Variants in PET117 observed in about 807,000 individuals in gnomAD.
PET117 encodes the protein protein PET117 homolog, mitochondrial.
PET117 carries 10 observed loss-of-function variants against 9.2 expected under a neutral mutation model. The observed-to-expected ratio is 1.09, with a 90% CI of 0.67 to 1.85. The LOEUF (loss-of-function observed/expected upper bound fraction) is 1.85. Ranked by LOEUF, PET117 falls within the 40% of genes most tolerant of loss-of-function variation. PET117 has a pLI of 0.00. For synonymous variants in PET117, 43 were observed against 37.1 expected (o/e 1.16, Z -0.57); for missense variants, 96 against 98.2 (o/e 0.98, Z 0.09).
Position 18,142,701 on chromosome 20 carries a change from A to T in PET117, c.*344A>T, listed in dbSNP as rs377600919. ...CACCTGAGTAGTCTGATCAGTCGGC[A>T]TGATGACGAAGCCACGAGAACATCG... On this transcript the variant is annotated 3_prime_UTR_variant, in exon 2 of 2. Transcript: ENST00000432901. 1.2e-5 allele frequency: 19 copies of T among 1,614,086 alleles called. No individual in the cohort carries two copies. In the Middle Eastern group the frequency reaches 8.2e-4, roughly 70 times the overall value.
chr20:18,139,919 A>G (rs918533175), intron 1 of PET117, among the ~76,000 whole-genome samples: 1 of 152,176 alleles, frequency 6.6e-6, no homozygotes, highest in African/African-American at 2.4e-5. Flanking sequence ...GTGCTACATG[A>G]GGAGCCAGAG....
rs1232133954 is a variant in PET117, at chr20:18,143,029, ATATT to A, written c.*677_*680del. On this transcript the variant is annotated 3_prime_UTR_variant, in exon 2 of 2. Coordinates refer to ENST00000432901, the MANE Select transcript of PET117 (RefSeq NM_001164811.2). ...AAGAGACCTAAATAAAAGGATAATT[ATATT>A]TATTCTCTAGTTGATCAGCTATAAA... is the stretch of plus-strand genomic sequence containing the variant. 27 of 1,456,904 alleles carry A rather than the reference ATATT, an allele frequency of 1.9e-5. No individual in the cohort carries two copies. Among genetic ancestry groups the A allele is most frequent in the African/African-American group, 7.1e-5 (5 of 70,026 alleles). The allele number at this position is 1,456,904 out of a possible 1,614,324, so 90.2% of individuals were successfully genotyped here.
At position 18,137,950 on chromosome 20, in the gene PET117, G is replaced by C. The variant is rs772989570; in HGVS notation, c.-6G>C. ...GGAGAGAGAGGCCGCGGCCGCCAGC[G>C]TGGGGATGTCTAGGAGCTCGAAGGT... is the stretch of plus-strand genomic sequence containing the variant. On this transcript the variant is annotated 5_prime_UTR_variant, in exon 1 of 2. Coordinates refer to ENST00000432901, the MANE Select transcript of PET117 (RefSeq NM_001164811.2). The C allele has an allele frequency of 2.0e-6, 3 of 1,485,198 alleles. No individual in the cohort carries two copies. Among genetic ancestry groups the C allele is most frequent in the Non-Finnish European group, 2.7e-6 (3 of 1,125,628 alleles). 92.0% of individuals were successfully genotyped at this position (1,485,198 alleles called of 1,614,324 possible). A position where few individuals can be genotyped will look rare whatever the true frequency, so the allele number is the denominator to read the frequency against.
intron 1 of PET117, among the ~76,000 whole-genome samples, chr20:18,140,487 TTAATTC>T (rs1172915366): frequency 6.6e-6 from 1 of 152,084 alleles, no homozygotes; most frequent in Admixed American, 6.5e-5. Flanking sequence ...CCCACTCCCA[TTAATTC>T]TACTCTATAT....
rs6080997 is a variant in PET117, at chr20:18,142,617, G to A, written c.*260G>A. ...CATTAGGGTCACTGTCCAGTGCTTA[G>A]GGTTGTTACTGAGAAGCACTGCCGA... is the stretch of plus-strand genomic sequence containing the variant. On this transcript the variant is annotated 3_prime_UTR_variant, in exon 2 of 2. Coordinates refer to ENST00000432901, the MANE Select transcript of PET117 (RefSeq NM_001164811.2). The A allele has an allele frequency of 2.5e-6, 4 of 1,611,582 alleles. No homozygotes were observed. Among genetic ancestry groups the A allele is most frequent in the Non-Finnish European group, 3.4e-6 (4 of 1,178,452 alleles).
At chr20:18,138,978 C>T (rs2037414636) in intron 1 of PET117, among the ~76,000 whole-genome samples, 1 of 151,940 alleles carries the variant, frequency 6.6e-6, no homozygotes, top group Admixed American at 6.5e-5. Flanking sequence ...ACCTAGTTCA[C>T]CAAGGGTGAA....
chr20:18,140,506 C>T (rs2037491988), intron 1 of PET117, among the ~76,000 whole-genome samples: 2 of 151,968 alleles, frequency 1.3e-5, no homozygotes, highest in African/African-American at 2.4e-5. Flanking sequence ...CTCTATATAG[C>T]CACTATTAAA....
chr20:18,139,633 C>CGTGTGTGTGTGT (rs71194228), intron 1 of PET117, among the ~76,000 whole-genome samples: 3,333 of 141,512 alleles, frequency 0.024, 51 homozygotes, highest in South Asian at 0.033. Context: ...ACCAAAATAA[C>CGTGTGTGTGTGT]GTGTGTGTGT....
chr20:18,141,815 T>C (rs567206045), intron 1 of PET117, among the ~76,000 whole-genome samples: 7 of 151,952 alleles, frequency 4.6e-5, no homozygotes, highest in Non-Finnish European at 1.0e-4. Context: ...ACCCAGGAGG[T>C]GGAGGTTGCG....
chr20:18,140,841 TAAAAC>T (rs1300069480), intron 1 of PET117, among the ~76,000 whole-genome samples: 40 of 104,062 alleles, frequency 3.8e-4, no homozygotes, highest in African/African-American at 1.4e-3. Context: ...AAAAAACCAA[TAAAAC>T]AAAACAAAAA....
In PET117 at chr20:18,142,528, G is replaced by C. The variant is rs2037625750; in HGVS notation, c.*171G>C. 6.7e-7 allele frequency: 1 copy of C among 1,486,046 alleles called. No homozygotes were observed. Among genetic ancestry groups the C allele is most frequent in the African/African-American group, 1.4e-5 (1 of 71,342 alleles). The allele number at this position is 1,486,046 out of a possible 1,614,324, so 92.1% of individuals were successfully genotyped here. On this transcript the variant is annotated 3_prime_UTR_variant, in exon 2 of 2. Transcript: ENST00000432901. ...ACTGCTTTCAGGGTCCCTTATATCTGAATAAAGGAGTGTGGGCAGACACTT... is the reference window on the plus strand; with the variant it reads ...ACTGCTTTCAGGGTCCCTTATATCTCAATAAAGGAGTGTGGGCAGACACTT...
intron 1 of PET117, among the ~76,000 whole-genome samples, chr20:18,141,658 T>C (rs1161077164): frequency 1.3e-5 from 2 of 152,100 alleles, no homozygotes; most frequent in African/African-American, 4.8e-5. Flanking sequence ...CTGAGGCAGG[T>C]GGATTACTTG....
chr20:18,141,246 G>A (rs1025269192), intron 1 of PET117, among the ~76,000 whole-genome samples: 1 of 152,046 alleles, frequency 6.6e-6, no homozygotes, highest in African/African-American at 2.4e-5. Flanking sequence ...AGTAATGACT[G>A]ATGTTTTTAA....
intron 1 of PET117, among the ~76,000 whole-genome samples, chr20:18,141,120 C>T (rs996657062): frequency 2.7e-5 from 4 of 146,272 alleles, no homozygotes; most frequent in Non-Finnish European, 5.9e-5. Context: ...CTCAAGCAGT[C>T]TGCCTGCCTT....
At chr20:18,142,127 A>C (rs2037609984) in intron 1 of PET117, 81 bp from the exon 2 acceptor site, 1 of 1,374,664 alleles carries the variant, frequency 7.3e-7, no homozygotes. Context: ...TTTTGGTAAC[A>C]CTGTTATTTG....
intron 1 of PET117, among the ~76,000 whole-genome samples, chr20:18,140,076 G>A (rs1290851312): frequency 2.6e-5 from 4 of 152,144 alleles, no homozygotes; most frequent in African/African-American, 9.7e-5. Context: ...AGCAAATGAT[G>A]GGATGGAGAG....
In PET117 at chr20:18,137,911, G is replaced by A; in HGVS notation, c.-45G>A. On this transcript the variant is annotated 5_prime_UTR_variant, in exon 1 of 2. Transcript: ENST00000432901. ...GTGCGCACTCTGCGGCGGCCTCTGC[G>A]CCTCGGGCGGGCGGGAGAGAGAGGC... is the stretch of plus-strand genomic sequence containing the variant. 1 of 1,457,462 alleles carries A rather than the reference G, an allele frequency of 6.9e-7. No individual in the cohort carries two copies. The highest frequency in any genetic ancestry group is 1.3e-5 in the South Asian group (1 of 75,656). The allele number at this position is 1,457,462 out of a possible 1,614,324, so 90.3% of individuals were successfully genotyped here.
At position 18,142,970 on chromosome 20, in the gene PET117, G is replaced by T. The variant is rs1334780792; in HGVS notation, c.*613G>T. Reference sequence around the variant, plus strand: ...TTTGTCAATTCCTGTGTGAAGGTTTGTTTTTCCAACCTGTGAAAGAAACGT... The same window carrying T: ...TTTGTCAATTCCTGTGTGAAGGTTTTTTTTTCCAACCTGTGAAAGAAACGT... On this transcript the variant is annotated 3_prime_UTR_variant, in exon 2 of 2. Transcript: ENST00000432901. The T allele has an allele frequency of 7.5e-6, 12 of 1,592,164 alleles. No homozygotes were observed. Among genetic ancestry groups the T allele is most frequent in the Admixed American group, 3.4e-5 (2 of 58,384 alleles).
intron 1 of PET117, chr20:18,138,493 T>G (rs2037389048): frequency 6.1e-6 from 6 of 982,324 alleles, no homozygotes; most frequent in Non-Finnish European, 7.3e-6. Context: ...CCAGCCTCCC[T>G]CCTGGCCCAA....
Sources: gnomAD v4.1 joint callset for allele counts (sites outside exome capture counted in the v4.1 genomes callset) on GRCh38, gnomAD v4.1.1 for gene constraint, MANE v1.5 for transcripts, NCBI Gene and HGNC (gene_info 2026-07-23, HGNC 2026-07-21) for gene names.